KEL: variants seen among roughly 807,000 people sequenced by gnomAD.
The protein encoded by KEL is Kell metallo-endopeptidase (Kell blood group).
A neutral mutation model predicts 99.5 loss-of-function variants in KEL; 96 were observed. The ratio of observed to expected loss-of-function variants is 0.97; its 90% CI spans 0.82 to 1.14. The LOEUF (loss-of-function observed/expected upper bound fraction) is 1.14. Ranked by LOEUF, KEL falls within the 50% of genes most tolerant of loss-of-function variation. The pLI, the probability that KEL is intolerant of heterozygous loss-of-function variation, is 0.00. For synonymous variants in KEL, 355 were observed against 354.8 expected (o/e 1.00, Z -0.01); for missense variants, 926 against 924.2 (o/e 1.00, Z -0.03).
At chr7:142,947,872 T>G (rs1206975595) in intron 10 of KEL, among the ~76,000 whole-genome samples, 2 of 152,200 alleles carry the variant, frequency 1.3e-5, no homozygotes, top group African/African-American at 2.4e-5. Context: ...TCATGCTGCA[T>G]GAGTTGGAGC....
intron 6 of KEL, among the ~76,000 whole-genome samples, chr7:142,957,486 T>G (rs1254658913): frequency 6.6e-6 from 1 of 152,148 alleles, no homozygotes; most frequent in Non-Finnish European, 1.5e-5. Flanking sequence ...TAGTTAGCCC[T>G]TGGTTTAGAA....
At chr7:142,953,746 G>C (rs1348841571) in intron 9 of KEL, 62 bp downstream of exon 9, 1 of 1,594,282 alleles carries the variant, frequency 6.3e-7, no homozygotes, top group East Asian at 2.2e-5. Flanking sequence ...TTGCCCCCAA[G>C]ATCTACGGTG....
rs746916897 is a variant in KEL, at chr7:142,946,195, G to A, written c.1314+12C>T. Reference sequence around the variant, plus strand: ...GGTGGAGGGATGTGGGCTGGGAAGAGCTCTCACATACAGCACTTCGGGTGC... The same window carrying A: ...GGTGGAGGGATGTGGGCTGGGAAGAACTCTCACATACAGCACTTCGGGTGC... On this transcript the variant is annotated intron_variant, in intron 11 of 18. Transcript: ENST00000355265. 2 of 1,586,098 alleles carry A rather than the reference G, an allele frequency of 1.3e-6. No homozygotes were observed. The highest frequency in any genetic ancestry group is 1.1e-5 in the South Asian group (1 of 90,406).
rs767893228 is a variant in KEL, at chr7:142,943,327, C to A, written c.1720G>T (p.Ala574Ser). ...PGYPRAVNFG[A>S]AGSIMAHELL... is the part of the protein sequence containing the mutation. Reference sequence around the variant, plus strand: ...TCGTGGGCCATGATGCTGCCAGCAGCGCCAAAGTTCACGGCTCTAGGGAGA... The same window carrying A: ...TCGTGGGCCATGATGCTGCCAGCAGAGCCAAAGTTCACGGCTCTAGGGAGA... The change falls in exon 16 of 19, where the codon GCT becomes TCT. Residue 574 changes from alanine to serine, a missense_variant. By Grantham distance (99) the Ala-to-Ser change is moderately conservative. Coordinates refer to ENST00000355265, the MANE Select transcript of KEL (RefSeq NM_000420.3). 1.9e-6 allele frequency: 3 copies of A among 1,614,124 alleles called. No homozygotes were observed. The highest frequency in any genetic ancestry group is 2.5e-6 in the Non-Finnish European group (3 of 1,180,000).
chr7:142,947,146 G>A (rs1044474750), intron 10 of KEL, among the ~76,000 whole-genome samples: 1 of 152,210 alleles, frequency 6.6e-6, no homozygotes, highest in Non-Finnish European at 1.5e-5. Context: ...ACGGTAAATG[G>A]AGACACACAC....
Position 142,961,376 on chromosome 7 carries a change from G to C in KEL, c.207C>G (p.Phe69Leu), listed in dbSNP as rs774716564. The C allele has an allele frequency of 3.1e-6, 5 of 1,613,464 alleles. No homozygotes were observed. In the South Asian group the frequency reaches 5.5e-5, roughly 18 times the overall value. The change falls in exon 3 of 19, where the codon TTC (phenylalanine) becomes TTG (leucine). Residue 69 changes from phenylalanine to leucine, a missense_variant. Phe to Leu is a conservative substitution (Grantham distance 22). Transcript: ENST00000355265. ...LCFSVLLFYNFQNCGPRPCET... is the reference protein window; with the variant it reads ...LCFSVLLFYNLQNCGPRPCET... ...CTTGCTTACGAGGGCCACAGTTCTG[G>C]AAGTTGTAGAACAAAAGCACAGAAA...
intron 10 of KEL, among the ~76,000 whole-genome samples, chr7:142,948,983 T>G (rs781557136): frequency 6.6e-6 from 1 of 152,050 alleles, no homozygotes; most frequent in Non-Finnish European, 1.5e-5. Context: ...TGTTGGTGAT[T>G]AATTCAAAGT....
In KEL at chr7:142,952,656, A is replaced by T; in HGVS notation, c.1074-18T>A. 1 of 1,613,720 alleles carries T rather than the reference A, an allele frequency of 6.2e-7. No homozygotes were observed. The highest frequency in any genetic ancestry group is 8.5e-7 in the Non-Finnish European group (1 of 1,179,948). ...GAAAGTCCCTATGGAGACAAAAGAG[A>T]CCCACACATATACCCCAGGAATCTG... On this transcript the variant is annotated intron_variant, in intron 9 of 18. Coordinates refer to ENST00000355265, the MANE Select transcript of KEL (RefSeq NM_000420.3).
chr7:142,955,518 AT>A (rs992980707), intron 6 of KEL, among the ~76,000 whole-genome samples: 81 of 152,234 alleles, frequency 5.3e-4, no homozygotes, highest in Non-Finnish European at 9.9e-4. Context: ...ATTGATTTTG[AT>A]TTTTTAGGAA....
chr7:142,954,705 A>C (rs1426293227), intron 6 of KEL, among the ~76,000 whole-genome samples, 178 bp from the exon 7 acceptor site: 1 of 152,158 alleles, frequency 6.6e-6, no homozygotes. Context: ...CATGAGAAGA[A>C]GAGTCCAGAT....
At chr7:142,958,652 C>T (rs1005352733) in intron 4 of KEL, among the ~76,000 whole-genome samples, 5 of 152,166 alleles carry the variant, frequency 3.3e-5, no homozygotes, top group Admixed American at 6.5e-5. Context: ...TGTTTCTTTG[C>T]CACATTTTGA....
In KEL at chr7:142,946,243, A is replaced by G; in HGVS notation, c.1278T>C (p.Phe426=). 1 of 1,614,122 alleles carries G rather than the reference A, an allele frequency of 6.2e-7. No individual in the cohort carries two copies. The highest frequency in any genetic ancestry group is 8.5e-7 in the Non-Finnish European group (1 of 1,180,016). ...TGCTCGGGCCAAAGGCCTCACGAAC[A>G]AACAAAGCCGCCAGCGTGGGCTCGA... ...TFFEPTLAAL[F]VREAFGPSTR... is the part of the protein sequence containing the mutation. Residue 426 remains phenylalanine, a synonymous_variant, in exon 11 of 19, where the codon TTT becomes TTC. Coordinates refer to ENST00000355265, the MANE Select transcript of KEL (RefSeq NM_000420.3).
chr7:142,958,303 C>A lies in KEL; in HGVS notation c.525+1G>T. 2 of 1,614,140 alleles carry A rather than the reference C, an allele frequency of 1.2e-6. No individual in the cohort carries two copies. Among genetic ancestry groups the A allele is most frequent in the Non-Finnish European group, 1.7e-6 (2 of 1,180,026 alleles). ...AAAGTTAATATCCCAACTTTTCTCACCTCCTCAATAACTTGTCTGAGGGGA... is the reference window on the plus strand; with the variant it reads ...AAAGTTAATATCCCAACTTTTCTCAACTCCTCAATAACTTGTCTGAGGGGA... On this transcript the variant is annotated splice_donor_variant, in intron 5 of 18. Transcript: ENST00000355265. LOFTEE classifies it high-confidence loss of function.
At chr7:142,955,477 T>C (rs956411012) in intron 6 of KEL, among the ~76,000 whole-genome samples, 9 of 152,136 alleles carry the variant, frequency 5.9e-5, no homozygotes, top group African/African-American at 2.2e-4. Context: ...TGAAGAAAAG[T>C]TTGATATTTT....
At chr7:142,942,165 G>A (rs1034751739) in intron 18 of KEL, 2 of 540,318 alleles carry the variant, frequency 3.7e-6, no homozygotes, top group East Asian at 3.1e-5. Context: ...AAAAAAGTTG[G>A]TCTCCTCCTC....
chr7:142,943,426 A>G (rs1796421669), intron 15 of KEL, 60 bp downstream of exon 15: 1 of 1,606,164 alleles, frequency 6.2e-7, no homozygotes, highest in Admixed American at 1.7e-5. Context: ...CCCATCCATC[A>G]TAACACCTGT....
chr7:142,956,624 C>T (rs931079777), intron 6 of KEL, among the ~76,000 whole-genome samples: 1 of 152,094 alleles, frequency 6.6e-6, no homozygotes, highest in African/African-American at 2.4e-5. Flanking sequence ...ATTCCAGGTC[C>T]TCCCCCTGGC....
chr7:142,943,846 C>T lies in KEL; in HGVS notation c.1529G>A (p.Ser510Asn), dbSNP rs774581863. Residue 510 changes from serine (S) to asparagine (N), a missense_variant, in exon 14 of 19, where the codon AGC becomes AAC. Coordinates refer to ENST00000355265, the MANE Select transcript of KEL (RefSeq NM_000420.3). ...TCTAGCTCGGAGGGACCGGACACAG[C>T]TCAGGACAGACTGCAGGAAGCTCGA... ...LGSSFLQSVL[S>N]CVRSLRARIV... 2 of 1,614,044 alleles carry T rather than the reference C, an allele frequency of 1.2e-6. No homozygotes were observed. The highest frequency in any genetic ancestry group is 1.3e-5 in the African/African-American group (1 of 74,926).
intron 11 of KEL, chr7:142,945,958 C>G: frequency 1.8e-6 from 1 of 568,924 alleles, no homozygotes; most frequent in Non-Finnish European, 3.1e-6. Context: ...TGAAGAAACA[C>G]AAGACCAGGA....
Sources: allele counts gnomAD v4.1 joint callset (sites outside exome capture counted in the v4.1 genomes callset), GRCh38; gene constraint gnomAD v4.1.1; transcripts MANE v1.5; gene names NCBI Gene and HGNC (gene_info 2026-07-23, HGNC 2026-07-21).